TYW1B: variants seen among roughly 807,000 people sequenced by gnomAD.
The protein encoded by TYW1B is tRNA-yW synthesizing protein 1 homolog B.
In TYW1B, 73 loss-of-function variants were observed where a neutral mutation model predicts 86.9. That is an observed-to-expected ratio of 0.84 (90% CI 0.70 to 1.02). TYW1B has a LOEUF of 1.02. Ranked by LOEUF, TYW1B falls within the 50% of genes least tolerant of loss-of-function variation. The pLI is 0.00. For missense variants in TYW1B, 637 were observed against 827.4 expected, an observed-to-expected ratio of 0.77 and a Z score of 2.82; for synonymous variants, 248 against 292.8, an observed-to-expected ratio of 0.85 and a Z score of 1.56.
At chr7:72,695,602 G>A (rs1324401280) in intron 10 of TYW1B, among the ~76,000 whole-genome samples, 15 of 150,738 alleles carry the variant, frequency 1.0e-4, no homozygotes, top group Non-Finnish European at 1.0e-4. Flanking sequence ...CTTTTCCCCC[G>A]GCCCAGTCCC....
At chr7:72,709,854 A>G (rs1329985153) in intron 10 of TYW1B, among the ~76,000 whole-genome samples, 49 of 152,104 alleles carry the variant, frequency 3.2e-4, no homozygotes, top group African/African-American at 9.4e-4. Flanking sequence ...CTCCCTCCTC[A>G]TTTCCCAGTC....
At chr7:72,674,259 C>T (rs1226134288) in intron 11 of TYW1B, among the ~76,000 whole-genome samples, 6 of 152,068 alleles carry the variant, frequency 3.9e-5, no homozygotes, top group Non-Finnish European at 7.4e-5. Context: ...TTTCTTAGTC[C>T]AAAAGTCTTT....
intron 6 of TYW1B, among the ~76,000 whole-genome samples, chr7:72,785,161 TAGA>T (rs1320792978): frequency 6.6e-6 from 1 of 152,030 alleles, no homozygotes; most frequent in Non-Finnish European, 1.5e-5. Context: ...TCTTCAGTCC[TAGA>T]AGAAGTCTTA....
chr7:72,749,814 G>C (rs1329123570), intron 7 of TYW1B, among the ~76,000 whole-genome samples: 1 of 148,788 alleles, frequency 6.7e-6, no homozygotes, highest in Non-Finnish European at 1.5e-5. Context: ...TCTAATGTAA[G>C]AATTTAATGT....
chr7:72,726,299 A>G (rs1225688321), intron 9 of TYW1B, among the ~76,000 whole-genome samples: 1 of 152,158 alleles, frequency 6.6e-6, no homozygotes, highest in East Asian at 1.9e-4. Context: ...GATATACACA[A>G]ATATGTACAG....
intron 7 of TYW1B, among the ~76,000 whole-genome samples, chr7:72,760,282 A>G (rs1554466960): frequency 6.6e-6 from 1 of 152,248 alleles, no homozygotes; most frequent in East Asian, 1.9e-4. Context: ...GGGATGGTAT[A>G]AAAGATGTTT....
At chr7:72,688,280 G>A (rs1409231511) in intron 11 of TYW1B, among the ~76,000 whole-genome samples, 1 of 152,102 alleles carries the variant, frequency 6.6e-6, no homozygotes, top group Non-Finnish European at 1.5e-5. Context: ...AAATGCCTTT[G>A]ACTTCTTTAT....
intron 6 of TYW1B, among the ~76,000 whole-genome samples, chr7:72,781,922 T>C (rs1585979592): frequency 6.6e-6 from 1 of 152,236 alleles, no homozygotes; most frequent in African/African-American, 2.4e-5. Flanking sequence ...CAGGACTACA[T>C]GAATCTTATA....
intron 13 of TYW1B, among the ~76,000 whole-genome samples, chr7:72,608,743 C>T (rs1811859420): frequency 6.6e-6 from 1 of 152,142 alleles, no homozygotes; most frequent in Admixed American, 6.6e-5. Context: ...CTATTATTGT[C>T]AGATAGAGTA....
intron 1 of TYW1B, 145 bp downstream of exon 1, chr7:72,827,927 C>T: frequency 2.0e-6 from 3 of 1,480,952 alleles, no homozygotes; most frequent in South Asian, 1.2e-5. Flanking sequence ...GTCCTCCTTG[C>T]TCTCAGCGGC....
At chr7:72,629,487 G>T (rs1159829883) in intron 11 of TYW1B, among the ~76,000 whole-genome samples, 1 of 152,158 alleles carries the variant, frequency 6.6e-6, no homozygotes, top group Non-Finnish European at 1.5e-5. Flanking sequence ...TACATGGATG[G>T]ATTATCAATG....
At chr7:72,733,275 A>G (rs1203116788) in intron 8 of TYW1B, among the ~76,000 whole-genome samples, 1 of 152,162 alleles carries the variant, frequency 6.6e-6, no homozygotes, top group African/African-American at 2.4e-5. Flanking sequence ...GTATTATACG[A>G]GGCCAGTATT....
At chr7:72,611,500 C>T (rs549037294) in intron 13 of TYW1B, among the ~76,000 whole-genome samples, 172 of 152,174 alleles carry the variant, frequency 1.1e-3, no homozygotes, top group African/African-American at 3.9e-3. Context: ...TTTCCTCTTT[C>T]GCTTGGCCCT....
chr7:72,661,272 T>TA (rs1345566092), intron 11 of TYW1B, among the ~76,000 whole-genome samples: 5 of 101,706 alleles, frequency 4.9e-5, no homozygotes, highest in African/African-American at 1.5e-4. Context: ...TGTTAGAAAC[T>TA]AAGTTTGAAA....
chr7:72,611,508 C>T (rs1811932544), intron 13 of TYW1B, among the ~76,000 whole-genome samples: 1 of 152,054 alleles, frequency 6.6e-6, no homozygotes, highest in Non-Finnish European at 1.5e-5. Flanking sequence ...TTCGCTTGGC[C>T]CTCTTTTCTC....
chr7:72,770,440 A>AG (rs1554469314), intron 7 of TYW1B, among the ~76,000 whole-genome samples: 36 of 150,822 alleles, frequency 2.4e-4, no homozygotes, highest in South Asian at 1.9e-3. Context: ...AAAAAAAAAA[A>AG]AAAAAAGAAA....
At chr7:72,626,322 G>A (rs1382309867) in intron 12 of TYW1B, among the ~76,000 whole-genome samples, 2 of 150,156 alleles carry the variant, frequency 1.3e-5, no homozygotes, top group African/African-American at 4.9e-5. Context: ...AGCCATAAAC[G>A]GAAATGAGCA....
intron 6 of TYW1B, among the ~76,000 whole-genome samples, chr7:72,780,200 G>A (rs1185777909): frequency 6.6e-6 from 1 of 152,024 alleles, no homozygotes; most frequent in Non-Finnish European, 1.5e-5. Flanking sequence ...AAACTCCTGG[G>A]CTCAAGCGAT....
intron 2 of TYW1B, among the ~76,000 whole-genome samples, chr7:72,818,313 G>A (rs1672246867): frequency 6.6e-6 from 1 of 151,874 alleles, no homozygotes; most frequent in Non-Finnish European, 1.5e-5. Context: ...CGGGCATGGT[G>A]GCTCATGCCT....
Sources: allele counts gnomAD v4.1 joint callset (sites outside exome capture counted in the v4.1 genomes callset), GRCh38; gene constraint gnomAD v4.1.1; transcripts MANE v1.5; gene names NCBI Gene and HGNC (gene_info 2026-07-23, HGNC 2026-07-21).